The following DGLUCY variants were observed in gnomAD, a reference collection of about 807,000 sequenced individuals.
DGLUCY encodes the protein D-glutamate cyclase.
DGLUCY carries 58 observed loss-of-function variants against 58.5 expected under a neutral mutation model. That is an observed-to-expected ratio of 0.99 (90% CI 0.80 to 1.23). The LOEUF (loss-of-function observed/expected upper bound fraction) is 1.23, where lower values mean the gene tolerates loss of function less well. Among genes scored for constraint, DGLUCY ranks in the 50% most tolerant of loss-of-function variants. DGLUCY has a pLI of 0.00. For missense variants in DGLUCY, 779 were observed against 784.7 expected (o/e 0.99, Z 0.09); for synonymous variants, 325 against 314.1 (o/e 1.03, Z -0.37).
intron 13 of DGLUCY, among the ~76,000 whole-genome samples, chr14:91,220,276 C>G (rs2051097001): frequency 6.6e-6 from 1 of 152,244 alleles, no homozygotes; most frequent in South Asian, 2.1e-4. Context: ...GGGGCCGTAA[C>G]AGATCTACTT....
intron 9 of DGLUCY, among the ~76,000 whole-genome samples, chr14:91,195,596 C>T (rs2050150443): frequency 6.6e-6 from 1 of 151,148 alleles, no homozygotes; most frequent in South Asian, 2.1e-4. Flanking sequence ...TGGCCTTGCC[C>T]AAGTTGTTTG....
intron 1 of DGLUCY, among the ~76,000 whole-genome samples, chr14:91,064,695 C>G (rs914066698): frequency 2.0e-5 from 3 of 151,176 alleles, no homozygotes; most frequent in Non-Finnish European, 4.4e-5. Context: ...AAAGGAAAAC[C>G]TGGAGAGTTT....
At chr14:91,161,559 C>T (rs749324486) in intron 3 of DGLUCY, among the ~76,000 whole-genome samples, 1 of 152,184 alleles carries the variant, frequency 6.6e-6, no homozygotes, top group African/African-American at 2.4e-5. Context: ...ATTTCTTCTC[C>T]ATGAAGCCTC....
chr14:91,064,622 C>CAAA (rs35830145), intron 1 of DGLUCY, among the ~76,000 whole-genome samples: 8 of 57,574 alleles, frequency 1.4e-4, no homozygotes, highest in East Asian at 5.6e-4. Flanking sequence ...GACTCTGTCT[C>CAAA]AAAAAAAAAA....
chr14:91,223,756 T>C (rs751742216), intron 13 of DGLUCY: 143 of 1,262,136 alleles, frequency 1.1e-4, no homozygotes, highest in Non-Finnish European at 1.4e-4. Flanking sequence ...ATTTTGTGAA[T>C]GCCTGTTGTG....
At chr14:91,196,324 C>A (rs1334736862) in intron 9 of DGLUCY, 51 bp from the exon 10 acceptor site, 9 of 1,529,066 alleles carry the variant, frequency 5.9e-6, no homozygotes, top group Non-Finnish European at 8.1e-6. Context: ...CGTGAATTTC[C>A]AAAAGCCAAC....
chr14:91,212,724 T>A (rs1161951911), intron 12 of DGLUCY, among the ~76,000 whole-genome samples: 4 of 146,814 alleles, frequency 2.7e-5, no homozygotes, highest in Non-Finnish European at 6.0e-5. Flanking sequence ...AAGAAAAGGC[T>A]GGGCGCAGTG....
At chr14:91,215,329 T>TG in intron 12 of DGLUCY, 76 bp from the exon 13 acceptor site, 1 of 1,539,310 alleles carries the variant, frequency 6.5e-7, no homozygotes, top group Non-Finnish European at 8.8e-7. Context: ...CTGCAGATAG[T>TG]TCTGCTTCCT....
At chr14:91,177,434 A>G (rs185135626) in intron 7 of DGLUCY, among the ~76,000 whole-genome samples, 2 of 152,334 alleles carry the variant, frequency 1.3e-5, no homozygotes, top group Admixed American at 6.5e-5. Flanking sequence ...GCCAAGAAAT[A>G]TAACTAAACA....
At chr14:91,224,352 A>AC (rs1206521933) in intron 13 of DGLUCY, among the ~76,000 whole-genome samples, 4 of 152,248 alleles carry the variant, frequency 2.6e-5, no homozygotes, top group African/African-American at 9.6e-5. Context: ...ACATAGCAAG[A>AC]CCCCATCTCT....
chr14:91,157,247 A>G (rs866699127), intron 1 of DGLUCY, among the ~76,000 whole-genome samples: 124 of 117,686 alleles, frequency 1.1e-3, no homozygotes, highest in Middle Eastern at 3.9e-3. Context: ...GGATGGATGG[A>G]TGGATGGATG....
chr14:91,199,031 C>G (rs923473106), intron 10 of DGLUCY, among the ~76,000 whole-genome samples: 2 of 152,114 alleles, frequency 1.3e-5, no homozygotes, highest in African/African-American at 4.8e-5. Flanking sequence ...TATTTTGAGC[C>G]CTTTTCCTTC....
chr14:91,208,034 C>G (rs1333156443), intron 12 of DGLUCY, among the ~76,000 whole-genome samples: 3 of 152,200 alleles, frequency 2.0e-5, no homozygotes, highest in Non-Finnish European at 2.9e-5. Flanking sequence ...AGGAGAGAGC[C>G]ACCACGCCCG....
intron 1 of DGLUCY, among the ~76,000 whole-genome samples, chr14:91,123,152 G>A (rs113292181): frequency 0.042 from 6,428 of 152,234 alleles, 158 homozygotes; most frequent in Middle Eastern, 0.068. Context: ...CAGACTTGAA[G>A]TATCATGAGT....
At chr14:91,185,205 G>A (rs2049427390) in intron 8 of DGLUCY, among the ~76,000 whole-genome samples, 1 of 149,238 alleles carries the variant, frequency 6.7e-6, no homozygotes, top group African/African-American at 2.5e-5. Context: ...CTGGCCTCAT[G>A]CAATCTGCCC....
chr14:91,151,147 C>T (rs1206678779), intron 1 of DGLUCY, among the ~76,000 whole-genome samples: 2 of 147,550 alleles, frequency 1.4e-5, no homozygotes, highest in East Asian at 3.9e-4. Flanking sequence ...ATCAGAATTT[C>T]CTTCCTTTTT....
At chr14:91,150,936 C>T (rs1241375982) in intron 1 of DGLUCY, among the ~76,000 whole-genome samples, 1 of 152,204 alleles carries the variant, frequency 6.6e-6, no homozygotes, top group African/African-American at 2.4e-5. Flanking sequence ...CTGAAACTCT[C>T]TGCCCATTAC....
chr14:91,089,112 A>G (rs2044268345), intron 1 of DGLUCY, among the ~76,000 whole-genome samples: 2 of 152,148 alleles, frequency 1.3e-5, no homozygotes, highest in Admixed American at 6.5e-5. Context: ...CTCCATTCTC[A>G]TCATGGTTCC....
rs1421355057 is a variant in DGLUCY, at chr14:91,225,419, G to A, written c.*586G>A. On this transcript the variant is annotated 3_prime_UTR_variant, in exon 14 of 14. Coordinates refer to ENST00000256324, the MANE Select transcript of DGLUCY (RefSeq NM_001102368.3). ...CATCCTGCTCCATCCTACCTAGGAC[G>A]TGAATCCTCCCTTTGTCCAGGGTAC... 3 of 152,248 alleles carry A rather than the reference G, an allele frequency of 2.0e-5. No homozygotes were observed. The highest frequency in any genetic ancestry group is 6.5e-5 in the Admixed American group (1 of 15,280). 9.4% of individuals were successfully genotyped at this position (152,248 alleles called of 1,614,324 possible). A position where few individuals can be genotyped will look rare whatever the true frequency, so the allele number is the denominator to read the frequency against.
Sources: gnomAD v4.1 joint callset for allele counts (sites outside exome capture counted in the v4.1 genomes callset) on GRCh38, gnomAD v4.1.1 for gene constraint, MANE v1.5 for transcripts, NCBI Gene and HGNC (gene_info 2026-07-23, HGNC 2026-07-21) for gene names.